Variants in RAPGEF5 observed in about 807,000 individuals in gnomAD.
The protein encoded by RAPGEF5 is Rap guanine nucleotide exchange factor 5.
RAPGEF5 carries 65 observed loss-of-function variants against 125.2 expected under a neutral mutation model. The ratio of observed to expected loss-of-function variants is 0.52; its 90% CI spans 0.43 to 0.64. RAPGEF5 has a LOEUF of 0.64. RAPGEF5 is among the 30% of genes least tolerant of loss of function. The pLI is 0.00. For synonymous variants in RAPGEF5, 391 were observed against 385.9 expected, an observed-to-expected ratio of 1.01 and a Z score of -0.16; for missense variants, 958 against 1,048.1, an observed-to-expected ratio of 0.91 and a Z score of 1.19.
intron 6 of RAPGEF5, among the ~76,000 whole-genome samples, chr7:22,290,493 C>T (rs1029642969): frequency 4.6e-5 from 7 of 152,194 alleles, no homozygotes; most frequent in African/African-American, 1.4e-4. Context: ...CGCCTGTAAT[C>T]CCAGCACTTT....
intron 7 of RAPGEF5, among the ~76,000 whole-genome samples, chr7:22,258,579 G>A (rs910539014): frequency 3.6e-5 from 5 of 139,230 alleles, no homozygotes; most frequent in South Asian, 2.2e-4. Flanking sequence ...AGCCAAGATC[G>A]CGCCATTGCA....
chr7:22,156,226 G>A (rs552377404), intron 16 of RAPGEF5, among the ~76,000 whole-genome samples: 12 of 152,336 alleles, frequency 7.9e-5, no homozygotes, highest in Admixed American at 7.2e-4. Flanking sequence ...TTCCAGCTCT[G>A]TGCTTGACTC....
At chr7:22,214,417 T>G (rs972920229) in intron 9 of RAPGEF5, among the ~76,000 whole-genome samples, 4 of 152,174 alleles carry the variant, frequency 2.6e-5, no homozygotes, top group Non-Finnish European at 5.9e-5. Context: ...ATTTCTACAG[T>G]TGGAAGTCAG....
At chr7:22,320,700 G>A (rs1783698205) in intron 1 of RAPGEF5, among the ~76,000 whole-genome samples, 1 of 151,972 alleles carries the variant, frequency 6.6e-6, no homozygotes, top group African/African-American at 2.4e-5. Flanking sequence ...TCACTCCTGT[G>A]GCAACTTACT....
chr7:22,162,525 A>G lies in RAPGEF5; in HGVS notation c.1300T>C (p.Tyr434His). The G allele has an allele frequency of 6.2e-7, 1 of 1,609,172 alleles. No homozygotes were observed. The highest frequency in any genetic ancestry group is 8.5e-7 in the Non-Finnish European group (1 of 1,175,916). Residue 434 changes from tyrosine (Y) to histidine (H), a missense_variant, in exon 13 of 26, where the codon TAT becomes CAT. Transcript: ENST00000665637. ...ALLRHYSAKK[Y>H]QGKEENSDVP... is the part of the protein sequence containing the mutation. ...TCTGAGTTTTCCTCTTTGCCTTGAT[A>G]CTTCTTAGCAGAATAGGTGCAAATG...
chr7:22,199,160 G>C (rs1403840728), intron 9 of RAPGEF5, among the ~76,000 whole-genome samples: 1 of 152,160 alleles, frequency 6.6e-6, no homozygotes, highest in African/African-American at 2.4e-5. Context: ...CCATACAAGG[G>C]CTTTCATTCT....
intron 13 of RAPGEF5, among the ~76,000 whole-genome samples, chr7:22,161,559 C>CACAA (rs1468607449): frequency 3.5e-5 from 5 of 144,908 alleles, no homozygotes; most frequent in Non-Finnish European, 7.7e-5. Flanking sequence ...CACACACACA[C>CACAA]ACACACACAC....
intron 9 of RAPGEF5, among the ~76,000 whole-genome samples, chr7:22,208,176 T>G (rs1785437760): frequency 6.6e-6 from 1 of 152,240 alleles, no homozygotes; most frequent in East Asian, 1.9e-4. Context: ...TTTCATGTGA[T>G]GTCTTGTTCA....
chr7:22,161,537 AACACACACACACACACACACACAC>A (rs369030719), intron 13 of RAPGEF5, among the ~76,000 whole-genome samples: 3 of 136,046 alleles, frequency 2.2e-5, no homozygotes, highest in Admixed American at 7.5e-5. Flanking sequence ...ACCCTGTCTC[AACACACACACACACACACACACAC>A]ACACACACAC....
At chr7:22,123,216 G>A (rs932802580) in intron 25 of RAPGEF5, among the ~76,000 whole-genome samples, 25 of 152,134 alleles carry the variant, frequency 1.6e-4, no homozygotes, top group Non-Finnish European at 3.2e-4. Context: ...TCAAGGAATC[G>A]AGGGGCCAAA....
At chr7:22,123,630 C>T (rs1162385122) in intron 25 of RAPGEF5, among the ~76,000 whole-genome samples, 1 of 152,010 alleles carries the variant, frequency 6.6e-6, no homozygotes, top group African/African-American at 2.4e-5. Flanking sequence ...ACATGGGTGG[C>T]TTATAATTCT....
At chr7:22,190,019 C>G (rs7794633) in intron 11 of RAPGEF5, among the ~76,000 whole-genome samples, 2,675 of 152,236 alleles carry the variant, frequency 0.018, 78 homozygotes, top group African/African-American at 0.061. Context: ...GAGTGGCTCA[C>G]GCATGTAATC....
At chr7:22,179,204 T>C (rs1017498443) in intron 11 of RAPGEF5, among the ~76,000 whole-genome samples, 3 of 152,188 alleles carry the variant, frequency 2.0e-5, no homozygotes, top group African/African-American at 4.8e-5. Flanking sequence ...TTTATTAATT[T>C]GTGCCATTGT....
rs377348618 is a variant in RAPGEF5, at chr7:22,154,634, C to G, written c.1637-30G>C. The G allele has an allele frequency of 1.2e-4, 189 of 1,607,702 alleles. 1 individual carries two copies. The African/African-American group carries it at 2.1e-3, about 18-fold the overall frequency. ...ACAAGTGAAAAGAATTGTTTGGAAA[C>G]AGAGAACAGTGGTCACGAGGTATAG... On this transcript the variant is annotated intron_variant, in intron 16 of 25. Transcript: ENST00000665637.
chr7:22,125,620 G>C lies in RAPGEF5; in HGVS notation c.2520C>G (p.Cys840Trp), dbSNP rs772346581. ...ATTACTCACCAAACTGGTTAGTCCTGCAGTGTCTCAGGGTTCGGACAGTGT... is the reference window on the plus strand; with the variant it reads ...ATTACTCACCAAACTGGTTAGTCCTCCAGTGTCTCAGGGTTCGGACAGTGT... ...IADTVRTLRHCRTNQFGDLSP... is the reference protein window; with the variant it reads ...IADTVRTLRHWRTNQFGDLSP... The change falls in exon 25 of 26, where the codon TGC becomes TGG. Residue 840 changes from cysteine (C) to tryptophan (W), a missense_variant. Coordinates refer to ENST00000665637, the MANE Select transcript of RAPGEF5 (RefSeq NM_012294.5). 1 of 1,611,914 alleles carries C rather than the reference G, an allele frequency of 6.2e-7. No individual in the cohort carries two copies. The highest frequency in any genetic ancestry group is 8.5e-7 in the Non-Finnish European group (1 of 1,178,188).
In RAPGEF5 at chr7:22,302,782, C is replaced by CT. The variant is rs1217875974; in HGVS notation, c.680+5556dup. On this transcript the variant is annotated intron_variant, in intron 5 of 25. Coordinates refer to ENST00000665637, the MANE Select transcript of RAPGEF5 (RefSeq NM_012294.5). ...CTTCTTCCCCCCACCCCACCCCCGC[C>CT]TTTTTTTTTTTTGGTCATTCTGCAG... is the stretch of plus-strand genomic sequence containing the variant. Among the ~76,000 whole-genome samples, 1,009 of 136,196 alleles carry CT rather than the reference C, an allele frequency of 7.4e-3. 5 individuals carry two copies. Among genetic ancestry groups the CT allele is most frequent in the African/African-American group, 0.016 (615 of 37,680 alleles). 89.3% of individuals were successfully genotyped at this position (136,196 alleles called of 152,430 possible).
At chr7:22,172,236 C>T (rs1211575115) in intron 11 of RAPGEF5, among the ~76,000 whole-genome samples, 1 of 151,988 alleles carries the variant, frequency 6.6e-6, no homozygotes, top group African/African-American at 2.4e-5. Context: ...TATTCTCCTG[C>T]CTCAGCCTCT....
At chr7:22,227,026 T>C (rs1215502176) in intron 8 of RAPGEF5, among the ~76,000 whole-genome samples, 2 of 151,658 alleles carry the variant, frequency 1.3e-5, no homozygotes, top group African/African-American at 4.8e-5. Flanking sequence ...ATTATAAATT[T>C]ACATAATATA....
chr7:22,132,389 T>G (rs913923478), intron 23 of RAPGEF5, among the ~76,000 whole-genome samples: 3 of 152,106 alleles, frequency 2.0e-5, no homozygotes, highest in Non-Finnish European at 2.9e-5. Context: ...TTTTTTTTTT[T>G]TTGCTTGTAA....
Sources: allele counts gnomAD v4.1 joint callset (sites outside exome capture counted in the v4.1 genomes callset), GRCh38; gene constraint gnomAD v4.1.1; transcripts MANE v1.5; gene names NCBI Gene and HGNC (gene_info 2026-07-23, HGNC 2026-07-21).